Variants in GRID1 observed in about 807,000 individuals in gnomAD.
GRID1 encodes the protein glutamate ionotropic receptor delta type subunit 1.
In GRID1, 28 loss-of-function variants were observed where a neutral mutation model predicts 98.0. The observed-to-expected ratio is 0.29, with a 90% confidence interval of 0.21 to 0.39. The LOEUF is 0.39. Ranked by LOEUF, GRID1 falls within the 10% of genes least tolerant of loss-of-function variation. The pLI is 1.00. For missense variants in GRID1, 1,111 were observed against 1,340.5 expected (o/e 0.83, Z 2.67); for synonymous variants, 553 against 538.5 (o/e 1.03, Z -0.37).
At chr10:86,230,814 G>A (rs2492738) in intron 2 of GRID1, among the ~76,000 whole-genome samples, 1 of 151,990 alleles carries the variant, frequency 6.6e-6, no homozygotes, top group African/African-American at 2.4e-5. Context: ...GTCTGTGAGC[G>A]CCTCCAAGCA....
chr10:85,984,512 A>G (rs559626156), intron 4 of GRID1, among the ~76,000 whole-genome samples: 18 of 152,286 alleles, frequency 1.2e-4, no homozygotes, highest in Admixed American at 9.8e-4. Context: ...ACCTGCAGGC[A>G]GGTGGAATGG....
intron 4 of GRID1, among the ~76,000 whole-genome samples, chr10:85,943,710 A>G (rs926496478): frequency 2.6e-5 from 4 of 152,224 alleles, no homozygotes; most frequent in Non-Finnish European, 4.4e-5. Flanking sequence ...GGTTAATATC[A>G]GTAAATAAAG....
rs559967920 is a variant in GRID1, at chr10:86,106,889, G to A, written c.726+31930C>T. ...AGCTGGGGAGGTGAAGGAGCCCAGG[G>A]GTGAAGAGGAAAATGAATTGACAAC... is the stretch of plus-strand genomic sequence containing the variant. On this transcript the variant is annotated intron_variant, in intron 4 of 15. Coordinates refer to ENST00000327946, the MANE Select transcript of GRID1 (RefSeq NM_017551.3). Among the ~76,000 whole-genome samples the A allele has an allele frequency of 2.6e-5, 4 of 152,168 alleles. No homozygotes were observed. In the East Asian group the frequency reaches 5.8e-4, roughly 22 times the overall value.
intron 8 of GRID1, among the ~76,000 whole-genome samples, chr10:85,751,046 A>C (rs1842041076): frequency 6.6e-6 from 1 of 152,170 alleles, no homozygotes; most frequent in East Asian, 1.9e-4. Context: ...AATGTGTTGG[A>C]TAGGTGGGCC....
chr10:86,101,809 A>G (rs1233423537), intron 4 of GRID1, among the ~76,000 whole-genome samples: 2 of 151,778 alleles, frequency 1.3e-5, no homozygotes, highest in African/African-American at 4.8e-5. Context: ...GGCTTGGCTA[A>G]TTTTATTTTA....
At chr10:85,654,831 G>A (rs967223011) in intron 12 of GRID1, among the ~76,000 whole-genome samples, 2 of 152,180 alleles carry the variant, frequency 1.3e-5, no homozygotes, top group Admixed American at 1.3e-4. Flanking sequence ...ACCCAGGCCT[G>A]GTGCCCTGGT....
At chr10:85,752,539 G>A (rs1239065071) in intron 8 of GRID1, among the ~76,000 whole-genome samples, 2 of 152,180 alleles carry the variant, frequency 1.3e-5, no homozygotes, top group Admixed American at 6.5e-5. Context: ...CCTGACTTGA[G>A]AGATCATATT....
intron 4 of GRID1, among the ~76,000 whole-genome samples, chr10:86,134,811 G>GATCC (rs936674188): frequency 3.9e-5 from 6 of 152,172 alleles, no homozygotes; most frequent in African/African-American, 1.4e-4. Flanking sequence ...ACCTTCTGAT[G>GATCC]ATCCCATCTC....
intron 13 of GRID1, among the ~76,000 whole-genome samples, chr10:85,640,440 A>G (rs1843101936): frequency 6.6e-6 from 1 of 152,160 alleles, no homozygotes; most frequent in Non-Finnish European, 1.5e-5. Context: ...ATCCCCTTCC[A>G]TATCTTGGTC....
At chr10:85,704,375 C>T (rs543938364) in intron 12 of GRID1, among the ~76,000 whole-genome samples, 1 of 152,052 alleles carries the variant, frequency 6.6e-6, no homozygotes, top group African/African-American at 2.4e-5. Context: ...ACAAAGAAGG[C>T]CATTACATAA....
intron 12 of GRID1, among the ~76,000 whole-genome samples, chr10:85,711,608 C>T: frequency 6.6e-6 from 1 of 151,770 alleles, no homozygotes; most frequent in Middle Eastern, 3.4e-3. Context: ...TTTAGAAATT[C>T]TTAAAATAAT....
chr10:86,004,116 C>G (rs1842832223), intron 4 of GRID1, among the ~76,000 whole-genome samples: 1 of 152,192 alleles, frequency 6.6e-6, no homozygotes, highest in Non-Finnish European at 1.5e-5. Flanking sequence ...AACTGAGGAA[C>G]AGACAGGGTA....
intron 5 of GRID1, among the ~76,000 whole-genome samples, chr10:85,883,065 T>C (rs1589286714): frequency 6.6e-6 from 1 of 152,172 alleles, no homozygotes; most frequent in East Asian, 1.9e-4. Context: ...AATAAAAATA[T>C]GTAGGACGTT....
rs116294727 is a variant in GRID1, at chr10:86,223,881, C to T, written c.236-17233G>A. 9.2e-3 allele frequency among the ~76,000 whole-genome samples: 1,401 copies of T among 152,188 alleles called. 19 individuals carry two copies. Among genetic ancestry groups the T allele is most frequent in the Middle Eastern group, 0.031 (9 of 294 alleles). ...AGACGAGGGACCAGCAAGTGATGGACCAAGGACCAGCAGGTGATAGACCAG... is the reference window on the plus strand; with the variant it reads ...AGACGAGGGACCAGCAAGTGATGGATCAAGGACCAGCAGGTGATAGACCAG... On this transcript the variant is annotated intron_variant, in intron 2 of 15. Coordinates refer to ENST00000327946, the MANE Select transcript of GRID1 (RefSeq NM_017551.3).
intron 4 of GRID1, among the ~76,000 whole-genome samples, chr10:85,939,700 A>G (rs925790818): frequency 1.3e-5 from 2 of 152,158 alleles, no homozygotes; most frequent in African/African-American, 4.8e-5. Flanking sequence ...GCTGATTAGC[A>G]ACAGTAATTC....
intron 5 of GRID1, among the ~76,000 whole-genome samples, chr10:85,905,099 C>T (rs1053418724): frequency 6.6e-6 from 1 of 150,862 alleles, no homozygotes; most frequent in African/African-American, 2.4e-5. Context: ...TTGATCAAAA[C>T]CAGAGAAAAA....
intron 3 of GRID1, among the ~76,000 whole-genome samples, chr10:86,198,156 TG>T (rs34236108): frequency 2.6e-5 from 4 of 152,116 alleles, no homozygotes; most frequent in African/African-American, 7.2e-5. Context: ...AGGAAGACTC[TG>T]GGGGTGAGAT....
At chr10:86,154,675 C>A (rs907046467) in intron 3 of GRID1, among the ~76,000 whole-genome samples, 1 of 152,206 alleles carries the variant, frequency 6.6e-6, no homozygotes, top group Non-Finnish European at 1.5e-5. Context: ...AAAAAATGTT[C>A]AAATTAATTA....
chr10:86,207,488 C>T (rs911988799), intron 2 of GRID1, among the ~76,000 whole-genome samples: 6 of 152,110 alleles, frequency 3.9e-5, no homozygotes, highest in African/African-American at 1.2e-4. Flanking sequence ...TAGCCACGTG[C>T]GTACACTTTT....
Sources: gnomAD v4.1 joint callset for allele counts (sites outside exome capture counted in the v4.1 genomes callset) on GRCh38, gnomAD v4.1.1 for gene constraint, MANE v1.5 for transcripts, NCBI Gene and HGNC (gene_info 2026-07-23, HGNC 2026-07-21) for gene names.